The following OAT variants were observed in gnomAD, a reference collection of about 807,000 sequenced individuals.
OAT encodes the protein ornithine aminotransferase.
A neutral mutation model predicts 48.4 loss-of-function variants in OAT; 35 were observed. The observed-to-expected ratio is 0.72, with a 90% confidence interval of 0.55 to 0.96. OAT has a LOEUF of 0.96. Ranked by LOEUF, OAT falls within the 40% of genes least tolerant of loss-of-function variation. The pLI is 0.00. For synonymous variants in OAT, 182 were observed against 198.4 expected (o/e 0.92, Z 0.70); for missense variants, 438 against 537.9 (o/e 0.81, Z 1.84).
In OAT at chr10:124,408,925, G is replaced by A. The variant is rs2134478924; in HGVS notation, c.240C>T (p.Asp80=). 6 of 1,613,982 alleles carry A rather than the reference G, an allele frequency of 3.7e-6. No individual in the cohort carries two copies. The highest frequency in any genetic ancestry group is 5.1e-6 in the Non-Finnish European group (6 of 1,179,952). The change falls in exon 3 of 10, where the codon GAC becomes GAT. Residue 80 remains aspartate, a synonymous_variant. Transcript: ENST00000368845. ...TGACAGCACTGTAAGAACTCAGGAA[G>A]TCAAAATATTTTCTGCCTTCTACAT... The part of the protein sequence containing the change: ...LWDVEGRKYF[D]FLSSYSAVNQ...
At chr10:124,407,913 A>C (rs1039394692) in intron 4 of OAT, among the ~76,000 whole-genome samples, 1 of 152,146 alleles carries the variant, frequency 6.6e-6, no homozygotes, top group Non-Finnish European at 1.5e-5. Flanking sequence ...AACAGCTTCT[A>C]AGTGGAACAT....
Position 124,406,937 on chromosome 10 carries a change from CAG to C in OAT, c.521-1376_521-1375del, listed in dbSNP as rs1160704404. On this transcript the variant is annotated intron_variant, in intron 4 of 9. Transcript: ENST00000368845. Reference sequence around the variant, plus strand: ...GTAAAGCAAGTGAGCTAGATAATTTCAGAGAGGATGACATTCAAGAAGGAAAG... The same window carrying C: ...GTAAAGCAAGTGAGCTAGATAATTTCAGAGGATGACATTCAAGAAGGAAAG... The C allele has an allele frequency of 2.5e-5, 25 of 984,346 alleles. No homozygotes were observed. The African/African-American group carries it at 3.8e-4, about 15-fold the overall frequency. 61.0% of individuals were successfully genotyped at this position (984,346 alleles called of 1,614,324 possible).
intron 1 of OAT, 58 bp from the exon 2 acceptor site, chr10:124,412,258 C>T: frequency 7.3e-7 from 1 of 1,368,828 alleles, no homozygotes. Flanking sequence ...TGCCTATAAT[C>T]TCAGCACTTT....
chr10:124,401,201 G>T (rs1426190256), intron 8 of OAT, among the ~76,000 whole-genome samples: 1 of 152,080 alleles, frequency 6.6e-6, no homozygotes, highest in Non-Finnish European at 1.5e-5. Context: ...AATCATTCAT[G>T]GCAAAATAAG....
intron 9 of OAT, among the ~76,000 whole-genome samples, chr10:124,400,139 T>C (rs1370837214): frequency 6.6e-6 from 1 of 152,068 alleles, no homozygotes; most frequent in Admixed American, 6.6e-5. Context: ...AAACAGAACA[T>C]CCCAACACCC....
chr10:124,417,283 CTTTTTT>C (rs59171918), intron 1 of OAT, among the ~76,000 whole-genome samples: 4 of 87,042 alleles, frequency 4.6e-5, no homozygotes, highest in African/African-American at 1.0e-4. Context: ...AAACTATAAG[CTTTTTT>C]TTTTTTTTTT....
intron 4 of OAT, chr10:124,406,920 A>G: frequency 1.0e-6 from 1 of 977,372 alleles, no homozygotes; most frequent in Non-Finnish European, 1.2e-6. Flanking sequence ...CAGTAAAGCA[A>G]GTGAGCTAGA....
At chr10:124,413,267 T>TAC (rs58272470) in intron 1 of OAT, among the ~76,000 whole-genome samples, 16,742 of 134,248 alleles carry the variant, frequency 0.12, 944 homozygotes, top group East Asian at 0.18. Flanking sequence ...CATAAATACA[T>TAC]ACACACACAC....
intron 5 of OAT, among the ~76,000 whole-genome samples, chr10:124,404,587 T>C (rs1256298544): frequency 3.9e-5 from 6 of 152,076 alleles, no homozygotes; most frequent in South Asian, 4.2e-4. Context: ...GCGCCTGACC[T>C]TGATTTTTAA....
At position 124,406,052 on chromosome 10, in the gene OAT, C is replaced by T. The variant is rs537839020; in HGVS notation, c.521-489G>A. ...TTCATTTGGAGAAAAGATCCTCAAG[C>T]AATCCAAACACGTTTCCATTTTACC... On this transcript the variant is annotated intron_variant, in intron 4 of 9. Coordinates refer to ENST00000368845, the MANE Select transcript of OAT (RefSeq NM_000274.4). 273 of 1,034,854 alleles carry T rather than the reference C, an allele frequency of 2.6e-4. No individual in the cohort carries two copies. The African/African-American group carries it at 4.2e-3, about 16-fold the overall frequency. The allele number at this position is 1,034,854 out of a possible 1,614,324, so 64.1% of individuals were successfully genotyped here. A position where few individuals can be genotyped will look rare whatever the true frequency, so the allele number is the denominator to read the frequency against.
At chr10:124,403,246 T>C in intron 6 of OAT, 191 bp from the exon 7 acceptor site, 3 of 650,894 alleles carry the variant, frequency 4.6e-6, no homozygotes, top group South Asian at 1.9e-5. Flanking sequence ...TCACCAACTA[T>C]TTCCTTTGTC....
chr10:124,409,872 C>T (rs767977399), intron 2 of OAT, among the ~76,000 whole-genome samples: 2 of 151,986 alleles, frequency 1.3e-5, no homozygotes, highest in Non-Finnish European at 2.9e-5. Flanking sequence ...AATGAGATAC[C>T]ATCTCATACT....
In OAT at chr10:124,403,717, A is replaced by G. The variant is rs1951486390; in HGVS notation, c.771+81T>C. ...ATCCAATCAGCAGAATTCAGAGAGG[A>G]GTTGGGGAGGAGCCCATTCAGCCTC... On this transcript the variant is annotated intron_variant, in intron 6 of 9. Coordinates refer to ENST00000368845, the MANE Select transcript of OAT (RefSeq NM_000274.4). 5.7e-6 allele frequency: 9 copies of G among 1,567,166 alleles called. No homozygotes were observed. In the South Asian group the frequency reaches 7.8e-5, roughly 14 times the overall value.
At chr10:124,399,755 A>T (rs1951348675) in intron 9 of OAT, among the ~76,000 whole-genome samples, 1 of 152,200 alleles carries the variant, frequency 6.6e-6, no homozygotes, top group Non-Finnish European at 1.5e-5. Flanking sequence ...GTTACAAAGG[A>T]TGTACTAAAA....
At chr10:124,406,969 C>A in intron 4 of OAT, 1 of 985,238 alleles carries the variant, frequency 1.0e-6, no homozygotes, top group Non-Finnish European at 1.2e-6. Flanking sequence ...GGAAAGACAC[C>A]ATGTAAAATA....
chr10:124,401,912 C>T lies in OAT; in HGVS notation c.901-73G>A, dbSNP rs1951423100. ...TACTAAGCATCCTTTTCCCCAGAGT[C>T]TCGCTGTCACCCAGGCTTGAGTGCA... On this transcript the variant is annotated intron_variant, in intron 7 of 9. Coordinates refer to ENST00000368845, the MANE Select transcript of OAT (RefSeq NM_000274.4). 10 of 1,112,258 alleles carry T rather than the reference C, an allele frequency of 9.0e-6. No individual in the cohort carries two copies. In the South Asian group the frequency reaches 1.2e-4, roughly 13 times the overall value. The allele number at this position is 1,112,258 out of a possible 1,614,324, so 68.9% of individuals were successfully genotyped here.
At chr10:124,410,331 A>T (rs1395324129) in intron 2 of OAT, among the ~76,000 whole-genome samples, 1 of 152,242 alleles carries the variant, frequency 6.6e-6, no homozygotes, top group East Asian at 1.9e-4. Context: ...GAAGACCAAG[A>T]CAACCAAGGA....
intron 2 of OAT, among the ~76,000 whole-genome samples, chr10:124,411,162 A>G (rs1342506378): frequency 8.1e-5 from 9 of 111,746 alleles, no homozygotes; most frequent in African/African-American, 3.0e-4. Flanking sequence ...AAAAAAAAAA[A>G]AAGAAGAAGA....
rs1951288093 is a variant in OAT at position 124,398,108 on chromosome 10, GA to G, written c.1160-7del. On this transcript the variant is annotated splice_polypyrimidine_tract_variant and splice_region_variant and intron_variant, in intron 9 of 9. Coordinates refer to ENST00000368845, the MANE Select transcript of OAT (RefSeq NM_000274.4). ...CACCTTCCAAGCATCCCAATCTAAA[GA>G]AAAATAGTAAAACGTACATGCTCAA... The G allele has an allele frequency of 6.2e-7, 1 of 1,613,848 alleles. No individual in the cohort carries two copies. Among genetic ancestry groups the G allele is most frequent in the South Asian group, 1.1e-5 (1 of 91,084 alleles).
Sources: allele counts gnomAD v4.1 joint callset (sites outside exome capture counted in the v4.1 genomes callset), GRCh38; gene constraint gnomAD v4.1.1; transcripts MANE v1.5; gene names NCBI Gene and HGNC (gene_info 2026-07-23, HGNC 2026-07-21).